Variants in MYO3B observed in about 807,000 individuals in gnomAD.
The protein encoded by MYO3B is myosin-IIIb.
Under a neutral mutation model 174.6 loss-of-function variants are expected in MYO3B, and 156 were observed. That is an observed-to-expected ratio of 0.89 (90% confidence interval 0.78 to 1.02). The LOEUF (loss-of-function observed/expected upper bound fraction) is 1.02, where lower values mean the gene tolerates loss of function less well. Among genes scored for constraint, MYO3B ranks in the 50% least tolerant of loss-of-function variants. MYO3B has a pLI of 0.00. For missense variants in MYO3B, 1,632 were observed against 1,639.4 expected, an observed-to-expected ratio of 1.00 and a Z score of 0.08; for synonymous variants, 563 against 569.1, an observed-to-expected ratio of 0.99 and a Z score of 0.15.
chr2:170,466,515 A>C lies in MYO3B; in HGVS notation c.2818A>C (p.Met940Leu). Residue 940 changes from methionine to leucine, a missense_variant, in exon 25 of 35, where the codon ATG becomes CTG. Physicochemically the swap from Met to Leu is conservative, Grantham distance 15. Transcript: ENST00000408978. ...TVASYFRYSL[M>L]DLLSKMVVGQ... Reference sequence around the variant, plus strand: ...TTTTTCTCCCTGGTAGTATTCTCTGATGGACCTGCTCTCCAAAATGGTGGT... The same window carrying C: ...TTTTTCTCCCTGGTAGTATTCTCTGCTGGACCTGCTCTCCAAAATGGTGGT... The C allele has an allele frequency of 6.2e-7, 1 of 1,614,058 alleles. No individual in the cohort carries two copies. Among genetic ancestry groups the C allele is most frequent in the East Asian group, 2.2e-5 (1 of 44,886 alleles).
chr2:170,178,226 C>G lies in MYO3B; in HGVS notation c.-62C>G, dbSNP rs1559276213. ...CATTTTCTGGGCCTGAAGTGTTCTG[C>G]TGGTTTTTGGAGGAATGAGAATCCA... On this transcript the variant is annotated 5_prime_UTR_variant, in exon 1 of 35. Transcript: ENST00000408978. 2 of 1,610,048 alleles carry G rather than the reference C, an allele frequency of 1.2e-6. No individual in the cohort carries two copies. Among genetic ancestry groups the G allele is most frequent in the Non-Finnish European group, 1.7e-6 (2 of 1,176,284 alleles).
chr2:170,364,294 TA>T (rs5836271), intron 8 of MYO3B, among the ~76,000 whole-genome samples: 123,637 of 152,064 alleles, frequency 0.81, 52,009 homozygotes, highest in Non-Finnish European at 0.93. Context: ...AACTTTTTTT[TA>T]ACCCTAGCTC....
At chr2:170,600,473 G>A (rs764640929) in intron 32 of MYO3B, among the ~76,000 whole-genome samples, 1 of 152,140 alleles carries the variant, frequency 6.6e-6, no homozygotes, top group Non-Finnish European at 1.5e-5. Context: ...AAGTTTAAGT[G>A]TCTTCCTTCC....
Position 170,319,722 on chromosome 2 carries a change from T to G in MYO3B, c.750-15663T>G, listed in dbSNP as rs73016922. 6.0e-3 allele frequency among the ~76,000 whole-genome samples: 914 copies of G among 152,242 alleles called. 13 individuals are homozygous for G. Among genetic ancestry groups the G allele is most frequent in the African/African-American group, 0.021 (865 of 41,550 alleles). On this transcript the variant is annotated intron_variant, in intron 7 of 34. Transcript: ENST00000408978. ...CATAAATACAAAGAGATTGAGACCTTTACACATCCTAGTTAAACTGGTGAA... is the reference window on the plus strand; with the variant it reads ...CATAAATACAAAGAGATTGAGACCTGTACACATCCTAGTTAAACTGGTGAA...
intron 25 of MYO3B, among the ~76,000 whole-genome samples, chr2:170,479,277 C>T (rs1685525284): frequency 6.7e-6 from 1 of 148,424 alleles, no homozygotes; most frequent in African/African-American, 2.5e-5. Context: ...GAGTGAGACT[C>T]TGTCTCAAAA....
At chr2:170,605,939 C>T (rs1347827904) in intron 32 of MYO3B, among the ~76,000 whole-genome samples, 24 of 152,112 alleles carry the variant, frequency 1.6e-4, no homozygotes, top group Admixed American at 1.6e-3. Flanking sequence ...TCTCCTTTCC[C>T]TCATTTTCCA....
chr2:170,518,608 T>A (rs1468302063), intron 29 of MYO3B, among the ~76,000 whole-genome samples: 2 of 152,220 alleles, frequency 1.3e-5, no homozygotes, highest in East Asian at 3.9e-4. Flanking sequence ...CAGCCAGGAG[T>A]AAGACTCACT....
At chr2:170,224,221 T>C (rs2092929145) in intron 6 of MYO3B, among the ~76,000 whole-genome samples, 1 of 152,222 alleles carries the variant, frequency 6.6e-6, no homozygotes, top group Non-Finnish European at 1.5e-5. Context: ...TCACAACAGC[T>C]CTCAATAGTG....
chr2:170,188,816 G>A (rs1304948903), intron 1 of MYO3B, among the ~76,000 whole-genome samples: 1 of 152,024 alleles, frequency 6.6e-6, no homozygotes, highest in Non-Finnish European at 1.5e-5. Context: ...TCTATGTCTT[G>A]AAAAGTTGCT....
intron 7 of MYO3B, among the ~76,000 whole-genome samples, chr2:170,291,821 T>A (rs1283500870): frequency 6.6e-6 from 1 of 152,094 alleles, no homozygotes; most frequent in Non-Finnish European, 1.5e-5. Context: ...ATCCTTTATA[T>A]CTTATTTCCT....
intron 25 of MYO3B, among the ~76,000 whole-genome samples, chr2:170,478,848 A>G (rs572601748): frequency 7.0e-6 from 1 of 143,826 alleles, no homozygotes; most frequent in East Asian, 2.2e-4. Flanking sequence ...TTGAGATTAC[A>G]GATGTAAGCC....
Position 170,508,333 on chromosome 2 carries a change from T to C in MYO3B, c.3370+6468T>C, listed in dbSNP as rs1324825092. 3.3e-5 allele frequency among the ~76,000 whole-genome samples: 5 copies of C among 152,242 alleles called. No individual in the cohort carries two copies. In the East Asian group the frequency reaches 9.6e-4, roughly 29 times the overall value. ...ACACACTTGAGTTGCCTTTACTCTA[T>C]GTCTTTAAAACAATTTCATGTAGAA... On this transcript the variant is annotated intron_variant, in intron 28 of 34. Coordinates refer to ENST00000408978, the MANE Select transcript of MYO3B (RefSeq NM_138995.5).
intron 28 of MYO3B, among the ~76,000 whole-genome samples, chr2:170,510,125 C>T (rs1687890547): frequency 6.6e-6 from 1 of 152,118 alleles, no homozygotes; most frequent in Non-Finnish European, 1.5e-5. Flanking sequence ...AGACTTTGAG[C>T]CAAGTGCTTA....
chr2:170,374,770 C>T lies in MYO3B; in HGVS notation c.971+5393C>T, dbSNP rs11892890. Reference sequence around the variant, plus strand: ...ATATATGCATACATACACACACACACACACACACACACACACACACACACA... The same window carrying T: ...ATATATGCATACATACACACACACATACACACACACACACACACACACACA... On this transcript the variant is annotated intron_variant, in intron 9 of 34. Coordinates refer to ENST00000408978, the MANE Select transcript of MYO3B (RefSeq NM_138995.5). Among the ~76,000 whole-genome samples the T allele has an allele frequency of 3.7e-4, 36 of 96,304 alleles. 1 individual carries two copies. Among genetic ancestry groups the T allele is most frequent in the African/African-American group, 1.7e-3 (29 of 17,126 alleles). The allele number at this position is 96,304 out of a possible 152,430, so 63.2% of individuals were successfully genotyped here.
chr2:170,421,397 A>C (rs59610684), intron 22 of MYO3B, among the ~76,000 whole-genome samples: 1 of 152,154 alleles, frequency 6.6e-6, no homozygotes, highest in Admixed American at 6.5e-5. Flanking sequence ...GATTGGGCGG[A>C]GTGGGGCTTT....
At chr2:170,601,408 T>A (rs1694500810) in intron 32 of MYO3B, among the ~76,000 whole-genome samples, 1 of 152,234 alleles carries the variant, frequency 6.6e-6, no homozygotes, top group African/African-American at 2.4e-5. Flanking sequence ...GCAAGGTTAG[T>A]GGCTATTGAA....
intron 8 of MYO3B, among the ~76,000 whole-genome samples, chr2:170,356,253 G>A (rs999821968): frequency 6.6e-5 from 10 of 150,934 alleles, no homozygotes; most frequent in South Asian, 2.1e-4. Context: ...GAGCCACCGC[G>A]CCTGGCCAAC....
intron 6 of MYO3B, among the ~76,000 whole-genome samples, chr2:170,223,487 T>G (rs1392964027): frequency 1.6e-4 from 25 of 152,244 alleles, no homozygotes; most frequent in Admixed American, 1.6e-3. Flanking sequence ...TAAGGCTTTG[T>G]CAGGCCAAGT....
chr2:170,353,480 G>A (rs987264551), intron 8 of MYO3B, among the ~76,000 whole-genome samples: 1 of 152,126 alleles, frequency 6.6e-6, no homozygotes, highest in African/African-American at 2.4e-5. Flanking sequence ...AATACTCTAC[G>A]AATGGATTAC....
Sources: gnomAD v4.1 joint callset for allele counts (sites outside exome capture counted in the v4.1 genomes callset) on GRCh38, gnomAD v4.1.1 for gene constraint, MANE v1.5 for transcripts, NCBI Gene and HGNC (gene_info 2026-07-23, HGNC 2026-07-21) for gene names.